The following KCNQ5 variants were observed in gnomAD, a reference collection of about 807,000 sequenced individuals.
The protein encoded by KCNQ5 is potassium voltage-gated channel subfamily KQT member 5.
Under a neutral mutation model 98.2 loss-of-function variants are expected in KCNQ5, and 30 were observed. That is an observed-to-expected ratio of 0.31 (90% CI 0.23 to 0.41). The LOEUF is 0.41. KCNQ5 is among the 10% of genes least tolerant of loss of function. The pLI, the probability that KCNQ5 is intolerant of heterozygous loss-of-function variation, is 1.00. For synonymous variants in KCNQ5, 458 were observed against 449.4 expected, an observed-to-expected ratio of 1.02 and a Z score of -0.24; for missense variants, 835 against 1,182.5, an observed-to-expected ratio of 0.71 and a Z score of 4.31.
chr6:72,766,002 A>C (rs571061182), intron 1 of KCNQ5, among the ~76,000 whole-genome samples: 31 of 152,196 alleles, frequency 2.0e-4, no homozygotes, highest in Non-Finnish European at 2.4e-4. Flanking sequence ...GGCATGCACC[A>C]AGGGTCAAAA....
intron 1 of KCNQ5, among the ~76,000 whole-genome samples, chr6:72,963,976 G>A (rs969438463): frequency 3.3e-5 from 5 of 152,174 alleles, no homozygotes; most frequent in African/African-American, 9.7e-5. Flanking sequence ...TTTTAAGATG[G>A]TGAGCTTCGT....
At chr6:72,723,657 C>T (rs1255944639) in intron 1 of KCNQ5, among the ~76,000 whole-genome samples, 2 of 151,952 alleles carry the variant, frequency 1.3e-5, no homozygotes, top group South Asian at 2.1e-4. Flanking sequence ...CTTTTTCCTT[C>T]CTTTCTTTCT....
chr6:73,014,598 G>T (rs920006061), intron 2 of KCNQ5, among the ~76,000 whole-genome samples: 11 of 152,160 alleles, frequency 7.2e-5, no homozygotes, highest in East Asian at 1.9e-4. Flanking sequence ...AAGTAAACAT[G>T]GGTTTATTGT....
At chr6:72,992,791 C>T (rs1582153642) in intron 1 of KCNQ5, among the ~76,000 whole-genome samples, 1 of 110,010 alleles carries the variant, frequency 9.1e-6, no homozygotes, top group East Asian at 2.5e-4. Context: ...TTTGCAGCGG[C>T]TGGTACCGGT....
At chr6:73,001,231 C>A (rs1474165116) in intron 1 of KCNQ5, among the ~76,000 whole-genome samples, 1 of 152,156 alleles carries the variant, frequency 6.6e-6, no homozygotes, top group Admixed American at 6.5e-5. Flanking sequence ...TTTCTTAGCA[C>A]TTATCTGCCT....
chr6:72,664,825 G>A (rs1565066989), intron 1 of KCNQ5, among the ~76,000 whole-genome samples: 1 of 152,110 alleles, frequency 6.6e-6, no homozygotes, highest in Non-Finnish European at 1.5e-5. Flanking sequence ...GGGATAATGT[G>A]AGTTAAATAA....
At chr6:72,927,269 A>T (rs1351682038) in intron 1 of KCNQ5, among the ~76,000 whole-genome samples, 3 of 152,134 alleles carry the variant, frequency 2.0e-5, no homozygotes, top group African/African-American at 7.2e-5. Flanking sequence ...ATATCCTTGG[A>T]CTAAGTCCCA....
At position 72,710,873 on chromosome 6, in the gene KCNQ5, A is replaced by G. The variant is rs763758054; in HGVS notation, c.398+88286A>G. On this transcript the variant is annotated intron_variant, in intron 1 of 13. Coordinates refer to ENST00000370398, the MANE Select transcript of KCNQ5 (RefSeq NM_019842.4). ...CAGACATATACAGAACATTCTACCC[A>G]ACAGCAACAGGATATACATTCTTCT... is the stretch of plus-strand genomic sequence containing the variant. Among the ~76,000 whole-genome samples, 157 of 152,178 alleles carry G rather than the reference A, an allele frequency of 1.0e-3. 1 individual carries two copies. Among genetic ancestry groups the G allele is most frequent in the Non-Finnish European group, 3.5e-4 (24 of 68,022 alleles).
intron 10 of KCNQ5, among the ~76,000 whole-genome samples, chr6:73,150,995 T>C (rs1231688501): frequency 6.6e-6 from 1 of 152,142 alleles, no homozygotes; most frequent in Non-Finnish European, 1.5e-5. Context: ...GAAATGTCTA[T>C]ATCTTGACTG....
At chr6:72,860,855 A>ATGTGTG (rs10644054) in intron 1 of KCNQ5, among the ~76,000 whole-genome samples, 3 of 147,710 alleles carry the variant, frequency 2.0e-5, no homozygotes, top group South Asian at 2.1e-4. Flanking sequence ...GTGTGTGTGT[A>ATGTGTG]TGTGTGTGTG....
At chr6:72,938,364 C>T (rs1340256750) in intron 1 of KCNQ5, among the ~76,000 whole-genome samples, 1 of 151,992 alleles carries the variant, frequency 6.6e-6, no homozygotes, top group Non-Finnish European at 1.5e-5. Context: ...GTACTAATAT[C>T]ATAAAATTGT....
At chr6:72,979,317 C>CA (rs1227812264) in intron 1 of KCNQ5, among the ~76,000 whole-genome samples, 1 of 152,196 alleles carries the variant, frequency 6.6e-6, no homozygotes, top group African/African-American at 2.4e-5. Flanking sequence ...CCTATTTCTC[C>CA]ACATCCTCTC....
intron 1 of KCNQ5, among the ~76,000 whole-genome samples, chr6:72,746,025 G>A (rs953958249): frequency 1.5e-5 from 2 of 137,790 alleles, no homozygotes; most frequent in East Asian, 2.1e-4. Context: ...GTAATCCAGT[G>A]TGATCACATC....
chr6:73,163,042 T>G (rs1777671265), intron 10 of KCNQ5, among the ~76,000 whole-genome samples: 1 of 152,098 alleles, frequency 6.6e-6, no homozygotes, highest in East Asian at 1.9e-4. Context: ...TGGACTGAAA[T>G]AAGTGGGTTG....
intron 11 of KCNQ5, among the ~76,000 whole-genome samples, chr6:73,183,485 A>G (rs1191800919): frequency 3.3e-5 from 5 of 152,278 alleles, no homozygotes; most frequent in Admixed American, 3.3e-4. Context: ...TCACCTTTGT[A>G]TCCCCGCCAT....
rs115909586 is a variant in KCNQ5 at position 73,119,548 on chromosome 6, C to T, written c.1126-935C>T. Among the ~76,000 whole-genome samples, 1,357 of 152,324 alleles carry T rather than the reference C, an allele frequency of 8.9e-3. 23 individuals carry two copies. Among genetic ancestry groups the T allele is most frequent in the African/African-American group, 0.029 (1,226 of 41,580 alleles). On this transcript the variant is annotated intron_variant, in intron 7 of 13. Transcript: ENST00000370398. Reference sequence around the variant, plus strand: ...AATCCGTAGGTGTTTTGCAGCTATACACCTAGAGAGTACATTTTCCCCATC... The same window carrying T: ...AATCCGTAGGTGTTTTGCAGCTATATACCTAGAGAGTACATTTTCCCCATC...
chr6:73,009,122 G>T (rs1042082393), intron 2 of KCNQ5, among the ~76,000 whole-genome samples: 6 of 151,970 alleles, frequency 3.9e-5, no homozygotes, highest in African/African-American at 1.5e-4. Context: ...CTCCTGAGTA[G>T]CTGGGACTAC....
At chr6:72,788,530 T>C (rs893377813) in intron 1 of KCNQ5, among the ~76,000 whole-genome samples, 2 of 152,224 alleles carry the variant, frequency 1.3e-5, no homozygotes, top group African/African-American at 4.8e-5. Flanking sequence ...GAATTGTTTA[T>C]AGTTAAAAAT....
chr6:73,096,336 C>CAAAAAAAAA (rs151045845), intron 5 of KCNQ5, among the ~76,000 whole-genome samples: 1 of 115,284 alleles, frequency 8.7e-6, no homozygotes, highest in African/African-American at 3.5e-5. Flanking sequence ...GGTCCTTAGG[C>CAAAAAAAAA]AAAAAAAAAA....
Sources: gnomAD v4.1 joint callset for allele counts (sites outside exome capture counted in the v4.1 genomes callset) on GRCh38, gnomAD v4.1.1 for gene constraint, MANE v1.5 for transcripts, NCBI Gene and HGNC (gene_info 2026-07-23, HGNC 2026-07-21) for gene names.